The following WDTC1 variants were observed in gnomAD, a reference collection of about 807,000 sequenced individuals.
The protein encoded by WDTC1 is WD and tetratricopeptide repeats 1, also known as WD and tetratricopeptide repeats protein 1.
In WDTC1, 12 loss-of-function variants were observed where a neutral mutation model predicts 76.0. That is an observed-to-expected ratio of 0.16 (90% confidence interval 0.10 to 0.26). The LOEUF is 0.26. Ranked by LOEUF, WDTC1 falls within the 10% of genes least tolerant of loss-of-function variation. The pLI is 1.00. For missense variants in WDTC1, 511 were observed against 908.8 expected (o/e 0.56, Z 5.63); for synonymous variants, 326 against 350.8 (o/e 0.93, Z 0.79).
rs975571619 is a variant in WDTC1 at position 27,301,172 on chromosome 1, C to T, written c.1233-54C>T. On this transcript the variant is annotated intron_variant, in intron 12 of 15. Transcript: ENST00000319394. This position sits in a 1 kb window ranked among gnomAD's most constrained non-coding sequence, Gnocchi z 5.8. Reference sequence around the variant, plus strand: ...GGAAGCAGAGGAGACTGAATGGGGACCCCTTGCTTGCCACGTGGCTCCACC... The same window carrying T: ...GGAAGCAGAGGAGACTGAATGGGGATCCCTTGCTTGCCACGTGGCTCCACC... 1.3e-6 allele frequency: 2 copies of T among 1,545,986 alleles called. No individual in the cohort carries two copies. The highest frequency in any genetic ancestry group is 1.4e-5 in the African/African-American group (1 of 73,418).
Position 27,246,322 on chromosome 1 carries a change from A to G in WDTC1, c.-100+11371A>G, listed in dbSNP as rs141668802. 4.1e-3 allele frequency among the ~76,000 whole-genome samples: 621 copies of G among 152,304 alleles called. 5 individuals are homozygous for G. The highest frequency in any genetic ancestry group is 0.014 in the African/African-American group (582 of 41,568). Reference sequence around the variant, plus strand: ...TTTCACATAAATAGAACCATACGACATGTAGTCTTTTGTGACTGGCTTCCT... The same window carrying G: ...TTTCACATAAATAGAACCATACGACGTGTAGTCTTTTGTGACTGGCTTCCT... On this transcript the variant is annotated intron_variant, in intron 1 of 15. Coordinates refer to ENST00000319394, the MANE Select transcript of WDTC1 (RefSeq NM_001276252.2).
chr1:27,302,960 G>C (rs951244712), intron 13 of WDTC1, among the ~76,000 whole-genome samples: 1 of 152,022 alleles, frequency 6.6e-6, no homozygotes, highest in African/African-American at 2.4e-5. Flanking sequence ...ACTGCCCTAA[G>C]TGCCATGAAT....
intron 5 of WDTC1, among the ~76,000 whole-genome samples, chr1:27,285,028 CTTTTTTTTTTT>C (rs758125297): frequency 8.5e-6 from 1 of 117,048 alleles, no homozygotes; most frequent in African/African-American, 3.2e-5. Context: ...AGACCTTGGT[CTTTTTTTTTTT>C]TTTTTTTTTT....
chr1:27,235,737 G>A lies in WDTC1; in HGVS notation c.-100+786G>A, dbSNP rs1467302147. Among the ~76,000 whole-genome samples, 4 of 152,042 alleles carry A rather than the reference G, an allele frequency of 2.6e-5. No homozygotes were observed. In the South Asian group the frequency reaches 8.3e-4, roughly 32 times the overall value. Reference sequence around the variant, plus strand: ...TACTCCCAGGGTTTCTAGAGGAGAGGTACAGGGGCCTGTAACTAATGTCTT... The same window carrying A: ...TACTCCCAGGGTTTCTAGAGGAGAGATACAGGGGCCTGTAACTAATGTCTT... On this transcript the variant is annotated intron_variant, in intron 1 of 15. Coordinates refer to ENST00000319394, the MANE Select transcript of WDTC1 (RefSeq NM_001276252.2).
At chr1:27,269,164 CAAAAAAA>C (rs34447091) in intron 3 of WDTC1, among the ~76,000 whole-genome samples, 4 of 58,858 alleles carry the variant, frequency 6.8e-5, no homozygotes, top group East Asian at 6.6e-4. Context: ...CCTGTTTCTC[CAAAAAAA>C]AAAAAAAAAA....
At chr1:27,296,280 C>T (rs201268609) in intron 9 of WDTC1, 46 bp from the exon 10 acceptor site, 1 of 1,611,394 alleles carries the variant, frequency 6.2e-7, no homozygotes, top group African/African-American at 1.3e-5. Context: ...CAACCACATC[C>T]TTACCTCACA....
chr1:27,301,955 T>C lies in WDTC1; in HGVS notation c.1468+494T>C, dbSNP rs747741782. 3.9e-5 allele frequency among the ~76,000 whole-genome samples: 6 copies of C among 152,158 alleles called. No homozygotes were observed. Among genetic ancestry groups the C allele is most frequent in the Non-Finnish European group, 7.3e-5 (5 of 68,032 alleles). ...CAAATGCAGCTCCACCACCTGACTGTGTGGCCTTGAAGAAAGCACAGCCTC... is the reference window on the plus strand; with the variant it reads ...CAAATGCAGCTCCACCACCTGACTGCGTGGCCTTGAAGAAAGCACAGCCTC... On this transcript the variant is annotated intron_variant, in intron 13 of 15. Transcript: ENST00000319394. This position sits in a 1 kb window ranked among gnomAD's most constrained non-coding sequence, Gnocchi z 5.8.
chr1:27,284,811 A>AGT (rs2013285752), intron 5 of WDTC1, among the ~76,000 whole-genome samples: 1 of 151,560 alleles, frequency 6.6e-6, no homozygotes, highest in African/African-American at 2.4e-5. Context: ...TTCTTTAGGT[A>AGT]GTGGAAACAC....
In WDTC1 at chr1:27,306,616, A is replaced by T; in HGVS notation, c.*233A>T. On this transcript the variant is annotated 3_prime_UTR_variant, in exon 16 of 16. Transcript: ENST00000319394. This position sits in a 1 kb window ranked among gnomAD's most constrained non-coding sequence, Gnocchi z 5.0. ...GCCCTGAAAAAAAGAGCAGGAGGGG[A>T]CACCCCTCCATATGCCCCCCCCCAT... 3 of 580,522 alleles carry T rather than the reference A, an allele frequency of 5.2e-6. No homozygotes were observed. The highest frequency in any genetic ancestry group is 4.7e-4 in the Middle Eastern group (1 of 2,128). 36.0% of individuals were successfully genotyped at this position (580,522 alleles called of 1,614,324 possible).
chr1:27,235,034 C>T, intron 1 of WDTC1, 83 bp downstream of exon 1: 1 of 360,904 alleles, frequency 2.8e-6, no homozygotes. Flanking sequence ...GGGCCGCCCG[C>T]TCTGGGCCGG....
intron 1 of WDTC1, among the ~76,000 whole-genome samples, chr1:27,248,580 C>A (rs2011928652): frequency 6.6e-6 from 1 of 152,166 alleles, no homozygotes; most frequent in South Asian, 2.1e-4. Context: ...CAAGTATTTT[C>A]TCCCATCCTA....
In WDTC1 at chr1:27,274,845, A is replaced by G. The variant is rs1242344118; in HGVS notation, c.133-7394A>G. ...TTGTGATCACACTTTGATTCCTGCT[A>G]TTTCATTCACTTGTGGGATTTCTTG... On this transcript the variant is annotated intron_variant, in intron 3 of 15. Transcript: ENST00000319394. The surrounding 1 kb of genome is among the most constrained non-coding windows in gnomAD (Gnocchi z 4.2). Among the ~76,000 whole-genome samples, 1 of 152,154 alleles carries G rather than the reference A, an allele frequency of 6.6e-6. No homozygotes were observed. The highest frequency in any genetic ancestry group is 1.5e-5 in the Non-Finnish European group (1 of 68,028).
At chr1:27,238,307 A>G (rs1436199629) in intron 1 of WDTC1, among the ~76,000 whole-genome samples, 2 of 152,178 alleles carry the variant, frequency 1.3e-5, no homozygotes, top group East Asian at 3.8e-4. Context: ...GGGGAAAGGA[A>G]ACTGGATGTT....
intron 1 of WDTC1, among the ~76,000 whole-genome samples, chr1:27,260,514 G>T (rs2012444153): frequency 6.6e-6 from 1 of 152,138 alleles, no homozygotes; most frequent in Non-Finnish European, 1.5e-5. Context: ...AGACTTGAGA[G>T]TTCTGTCTGT....
chr1:27,293,662 T>G (rs1245803998), intron 7 of WDTC1, among the ~76,000 whole-genome samples: 1 of 152,006 alleles, frequency 6.6e-6, no homozygotes, highest in African/African-American at 2.4e-5. Flanking sequence ...CCATGATTCT[T>G]GGGATGGATG....
chr1:27,269,608 TTTTTTTTTTTCGG>T (rs1281738682), intron 3 of WDTC1, among the ~76,000 whole-genome samples: 5 of 140,894 alleles, frequency 3.5e-5, no homozygotes, highest in African/African-American at 1.4e-4. Flanking sequence ...TGTTTTTTGT[TTTTTTTTTTTCGG>T]TTTTTTTTTT....
At position 27,300,339 on chromosome 1, in the gene WDTC1, A is replaced by C. The variant is rs567096579; in HGVS notation, c.1233-887A>C. Among the ~76,000 whole-genome samples the C allele has an allele frequency of 3.3e-5, 5 of 152,166 alleles. No homozygotes were observed. In the South Asian group the frequency reaches 1.0e-3, roughly 32 times the overall value. ...CCTACTCCAGCCCAGCTGAAAAAAA[A>C]AAATGGCTTCTGAAGAAGCAGTTCC... On this transcript the variant is annotated intron_variant, in intron 12 of 15. Coordinates refer to ENST00000319394, the MANE Select transcript of WDTC1 (RefSeq NM_001276252.2).
intron 1 of WDTC1, among the ~76,000 whole-genome samples, chr1:27,239,879 C>T (rs1326768292): frequency 1.3e-5 from 2 of 150,644 alleles, no homozygotes; most frequent in African/African-American, 4.9e-5. Context: ...ATATACCAGG[C>T]ACTTGCTAGA....
intron 1 of WDTC1, among the ~76,000 whole-genome samples, chr1:27,251,033 ATTTTTTTTTTTTTTTTTTTTTTTT>A (rs71584875): frequency 7.0e-5 from 2 of 28,648 alleles, no homozygotes; most frequent in African/African-American, 8.7e-5. Context: ...CTCCTGGCTA[ATTTTTTTTTTTTTTTTTTTTTTTT>A]TTTTTTTTTT....
Sources: allele counts gnomAD v4.1 joint callset (sites outside exome capture counted in the v4.1 genomes callset), GRCh38; gene constraint gnomAD v4.1.1; non-coding constraint Gnocchi (gnomAD v3.1); transcripts MANE v1.5; gene names NCBI Gene and HGNC (gene_info 2026-07-23, HGNC 2026-07-21).